Variants in TTC23L observed in about 807,000 individuals in gnomAD.
TTC23L encodes the protein tetratricopeptide repeat protein 23-like.
TTC23L carries 42 observed loss-of-function variants against 48.1 expected under a neutral mutation model. That is an observed-to-expected ratio of 0.87 (90% CI 0.68 to 1.13). The LOEUF is 1.13. TTC23L is among the 50% of genes most tolerant of loss of function. The probability of loss-of-function intolerance (pLI) is 0.00; values close to 1 mark genes in which losing one functional copy is unlikely to be tolerated. For synonymous variants in TTC23L, 159 were observed against 157.2 expected, an observed-to-expected ratio of 1.01 and a Z score of -0.09; for missense variants, 391 against 421.0, an observed-to-expected ratio of 0.93 and a Z score of 0.62.
the TTC23L span, chr5:34,914,742 CT>C: frequency 1.2e-6 from 2 of 1,614,054 alleles, no homozygotes; most frequent in Non-Finnish European, 1.7e-6. Context: ...TCCACTGTTA[CT>C]TTGATACCAT....
At chr5:34,921,527 T>A in the TTC23L span, 1 of 152,244 alleles carries the variant, frequency 6.6e-6, no homozygotes, top group Non-Finnish European at 1.5e-5. Context: ...TATGAAGGAT[T>A]AACATAAGAA....
intron 9 of TTC23L, among the ~76,000 whole-genome samples, chr5:34,889,415 A>T (rs1418629217): frequency 6.6e-6 from 1 of 152,200 alleles, no homozygotes; most frequent in Non-Finnish European, 1.5e-5. Context: ...GAATGTGTTC[A>T]CCAGCGGTGG....
chr5:34,892,242 C>T (rs898092230), intron 9 of TTC23L, among the ~76,000 whole-genome samples: 2 of 152,234 alleles, frequency 1.3e-5, no homozygotes, highest in African/African-American at 2.4e-5. Flanking sequence ...GTTGACTACA[C>T]TCACTGGACT....
chr5:34,855,275 A>G (rs898343031), intron 4 of TTC23L, among the ~76,000 whole-genome samples: 4 of 151,228 alleles, frequency 2.6e-5, no homozygotes, highest in Admixed American at 6.6e-5. Flanking sequence ...GGAGAAGGGT[A>G]CATTGGGCAG....
chr5:34,885,665 T>C (rs1412855145), intron 9 of TTC23L, among the ~76,000 whole-genome samples: 1 of 152,020 alleles, frequency 6.6e-6, no homozygotes, highest in Non-Finnish European at 1.5e-5. Context: ...AGAGGATCAT[T>C]TGAGCCTGGG....
At chr5:34,900,852 AGAT>A (rs1408424453), downstream of TTC23L, among the ~76,000 whole-genome samples, 1 of 152,244 alleles carries the variant, frequency 6.6e-6, no homozygotes, top group Non-Finnish European at 1.5e-5. Flanking sequence ...GCTCATGCAG[AGAT>A]GATTAGCATC....
In TTC23L at chr5:34,845,694, A is replaced by G. The variant is rs560621988; in HGVS notation, c.255+21A>G. ...AAATGGTAAAACAAAAAACTCACTA[A>G]AATTTTGTTTCCATTTAAAAATATG... On this transcript the variant is annotated intron_variant, in intron 3 of 10. Transcript: ENST00000505624. The G allele has an allele frequency of 3.9e-5, 62 of 1,590,260 alleles. 2 individuals carry two copies. The South Asian group carries it at 6.3e-4, about 16-fold the overall frequency.
In TTC23L at chr5:34,888,436, T is replaced by C. The variant is rs1762665315; in HGVS notation, c.1077+8128T>C. 2.6e-5 allele frequency: 25 copies of C among 979,866 alleles called. 1 individual carries two copies. The South Asian group carries it at 9.0e-4, about 35-fold the overall frequency. 60.7% of individuals were successfully genotyped at this position (979,866 alleles called of 1,614,324 possible). On this transcript the variant is annotated intron_variant, in intron 9 of 10. Coordinates refer to ENST00000505624, the Ensembl canonical transcript of TTC23L. Reference sequence around the variant, plus strand: ...TGCTATCTGATTCTCTTTAACCTGTTGTTTCTCACCTCACCTAGTGTCTGA... The same window carrying C: ...TGCTATCTGATTCTCTTTAACCTGTCGTTTCTCACCTCACCTAGTGTCTGA...
At chr5:34,866,795 G>A (rs1206140328) in intron 6 of TTC23L, 97 bp from the exon 7 acceptor site, 1 of 1,237,906 alleles carries the variant, frequency 8.1e-7, no homozygotes, top group Non-Finnish European at 1.1e-6. Context: ...ATGGGCCTGT[G>A]AAGGCCAAAT....
At chr5:34,917,532 C>T in the TTC23L span, among the ~76,000 whole-genome samples, 3 of 151,196 alleles carry the variant, frequency 2.0e-5, no homozygotes, top group African/African-American at 7.3e-5. Flanking sequence ...CCCAGCTACT[C>T]GGGAGTCTGA....
At position 34,867,218 on chromosome 5, in the gene TTC23L, G is replaced by A. The variant is rs1283518688; in HGVS notation, c.840+149G>A. On this transcript the variant is annotated intron_variant, in intron 7 of 10. Transcript: ENST00000505624. Reference sequence around the variant, plus strand: ...GACTTTCCTCCAGATCCACCTAAGAGCCCTTGATCAAACCTTAAATGACCA... The same window carrying A: ...GACTTTCCTCCAGATCCACCTAAGAACCCTTGATCAAACCTTAAATGACCA... 4 of 823,730 alleles carry A rather than the reference G, an allele frequency of 4.9e-6. No individual in the cohort carries two copies. In the South Asian group the frequency reaches 6.3e-5, roughly 13 times the overall value. 51.0% of individuals were successfully genotyped at this position (823,730 alleles called of 1,614,324 possible). A position where few individuals can be genotyped will look rare whatever the true frequency, so the allele number is the denominator to read the frequency against.
chr5:34,845,812 G>C (rs1759071397), intron 3 of TTC23L, 139 bp downstream of exon 3: 2 of 895,534 alleles, frequency 2.2e-6, no homozygotes, highest in Admixed American at 2.9e-5. Context: ...AGAAAACAAA[G>C]CAGAGCCTAC....
chr5:34,850,188 A>C lies in TTC23L; in HGVS notation c.259A>C (p.Thr87Pro). 1 of 1,613,784 alleles carries C rather than the reference A, an allele frequency of 6.2e-7. No homozygotes were observed. The highest frequency in any genetic ancestry group is 1.3e-5 in the African/African-American group (1 of 75,040). The change falls in exon 4 of 11, where the codon ACT (threonine) becomes CCT (proline). Residue 87 changes from threonine (T) to proline (P), a missense_variant. Thr to Pro is a conservative substitution (Grantham distance 38). Coordinates refer to ENST00000505624, the Ensembl canonical transcript of TTC23L. The stretch of plus-strand genomic sequence containing the variant: ...TAATCACTTCTGTACTCTACAGAAT[A>C]CTCAAGCAAACAAGGAGCTGATTCG...
At chr5:34,889,829 T>G (rs906848505) in intron 9 of TTC23L, among the ~76,000 whole-genome samples, 6 of 139,366 alleles carry the variant, frequency 4.3e-5, no homozygotes, top group Admixed American at 1.4e-4. Context: ...TTAGGTGGGG[T>G]TTTTTTTTGT....
At chr5:34,841,976 C>T (rs1758720264) in intron 2 of TTC23L, among the ~76,000 whole-genome samples, 2 of 152,238 alleles carry the variant, frequency 1.3e-5, no homozygotes, top group Admixed American at 1.3e-4. Flanking sequence ...GTAGCACTAG[C>T]TCCAGTTGTG....
At chr5:34,902,606 G>A (rs1210055527), downstream of TTC23L, among the ~76,000 whole-genome samples, 4 of 152,132 alleles carry the variant, frequency 2.6e-5, no homozygotes, top group African/African-American at 2.4e-5. Flanking sequence ...AAGGTATAGT[G>A]AGTTGTGTTC....
the TTC23L span, chr5:34,908,630 T>G: frequency 4.1e-6 from 3 of 723,178 alleles, no homozygotes; most frequent in South Asian, 4.2e-5. Flanking sequence ...TTAGGGTACA[T>G]GACCTTGCTC....
chr5:34,872,119 A>C (rs201517765), intron 8 of TTC23L, among the ~76,000 whole-genome samples: 1 of 146,284 alleles, frequency 6.8e-6, no homozygotes, highest in Non-Finnish European at 1.5e-5. Context: ...CTCTACCACA[A>C]AAAAAAAAAA....
At chr5:34,913,834 G>C in the TTC23L span, 1 of 504,480 alleles carries the variant, frequency 2.0e-6, no homozygotes, top group Non-Finnish European at 3.8e-6. Flanking sequence ...AGGTCACTTG[G>C]AAAATAGACG....
Sources: gnomAD v4.1 joint callset for allele counts (sites outside exome capture counted in the v4.1 genomes callset) on GRCh38, gnomAD v4.1.1 for gene constraint, MANE v1.5 for transcripts, NCBI Gene and HGNC (gene_info 2026-07-23, HGNC 2026-07-21) for gene names.